ANKRD20A1: variants seen among roughly 807,000 people sequenced by gnomAD.
ANKRD20A1 encodes ankyrin repeat domain 20 family member A1.
ANKRD20A1 carries 2 observed loss-of-function variants against 50.9 expected under a neutral mutation model. That is an observed-to-expected ratio of 0.04 (90% CI 0.02 to 0.12). The LOEUF (loss-of-function observed/expected upper bound fraction) is 0.12. Ranked by LOEUF, ANKRD20A1 falls within the 10% of genes least tolerant of loss-of-function variation. The pLI is 1.00. For missense variants in ANKRD20A1, 31 were observed against 548.1 expected (o/e 0.06, Z 9.42); for synonymous variants, 10 against 186.2 (o/e 0.05, Z 7.70).
At position 67,859,902 on chromosome 9, in the gene ANKRD20A1, A is replaced by T. The variant is rs1263049943; in HGVS notation, c.203+273A>T. Among the ~76,000 whole-genome samples, 6 of 49,320 alleles carry T rather than the reference A, an allele frequency of 1.2e-4. 3 individuals are homozygous for T. Among genetic ancestry groups the T allele is most frequent in the African/African-American group, 6.9e-4 (6 of 8,668 alleles). The allele number at this position is 49,320 out of a possible 152,430, so 32.4% of individuals were successfully genotyped here. A position where few individuals can be genotyped will look rare whatever the true frequency, so the allele number is the denominator to read the frequency against. ...CATTATAGGAGGTGCCTAATGAGAG[A>T]ACTCGTTCCCCTATCAAAAATAACC... On this transcript the variant is annotated intron_variant, in intron 1 of 14. Transcript: ENST00000562196.
rs1216718319 is a variant in ANKRD20A1 at position 67,860,506 on chromosome 9, A to G, written c.203+877A>G. On this transcript the variant is annotated intron_variant, in intron 1 of 14. Transcript: ENST00000562196. ...CAAATCAAATCATCAAACACTCTAA[A>G]AGTGGGCAAAGTACCTTTTTCCAGA... 2 of 44,574 alleles carry G rather than the reference A, an allele frequency of 4.5e-5. 1 individual carries two copies. Among genetic ancestry groups the G allele is most frequent in the African/African-American group, 2.6e-4 (2 of 7,592 alleles). 2.8% of individuals were successfully genotyped at this position (44,574 alleles called of 1,614,324 possible).
intron 8 of ANKRD20A1, among the ~76,000 whole-genome samples, chr9:67,883,185 A>C (rs1286836533): frequency 6.6e-6 from 1 of 150,940 alleles, no homozygotes. Context: ...TGGTATTTCT[A>C]GTTCTAGATC....
At chr9:67,882,857 A>G (rs1485406994) in intron 8 of ANKRD20A1, among the ~76,000 whole-genome samples, 8 of 149,988 alleles carry the variant, frequency 5.3e-5, no homozygotes, top group Non-Finnish European at 7.4e-5. Flanking sequence ...TCATTGTTCA[A>G]TTTCCGCCTA....
At chr9:67,865,222 C>T (rs1476953585) in intron 3 of ANKRD20A1, among the ~76,000 whole-genome samples, 1 of 149,188 alleles carries the variant, frequency 6.7e-6, no homozygotes, top group African/African-American at 2.5e-5. Context: ...CAGTTTTAAA[C>T]ACTGAAATCC....
intron 8 of ANKRD20A1, among the ~76,000 whole-genome samples, chr9:67,882,289 GT>G (rs1827812727): frequency 2.0e-5 from 3 of 151,486 alleles, no homozygotes; most frequent in African/African-American, 7.3e-5. Context: ...CCTTAATAAT[GT>G]TTAATCTGAA....
chr9:67,882,824 C>G (rs1164932263), intron 8 of ANKRD20A1, among the ~76,000 whole-genome samples: 1 of 149,902 alleles, frequency 6.7e-6, no homozygotes. Context: ...GTGTGATGTT[C>G]CCCATCCTGT....
intron 6 of ANKRD20A1, among the ~76,000 whole-genome samples, chr9:67,872,119 A>G (rs202060238): frequency 1.2e-5 from 1 of 81,628 alleles, no homozygotes; most frequent in African/African-American, 3.2e-5. Context: ...GAAAGTAACT[A>G]TCTTTAGAAC....
chr9:67,881,098 A>G (rs1827786212), intron 8 of ANKRD20A1, among the ~76,000 whole-genome samples: 1 of 150,740 alleles, frequency 6.6e-6, no homozygotes, highest in South Asian at 2.1e-4. Flanking sequence ...TTGGTTCTGT[A>G]GTGAGACAAA....
In ANKRD20A1 at chr9:67,896,220, A is replaced by G. The variant is rs950837099; in HGVS notation, c.1153-1339A>G. ...CAATGGGAGGGAAGCAATGACTGAG[A>G]CAAGCCACAAAAACACGTCTAGCCT... On this transcript the variant is annotated intron_variant, in intron 12 of 14. Transcript: ENST00000562196. 3.8e-5 allele frequency among the ~76,000 whole-genome samples: 2 copies of G among 53,214 alleles called. 1 individual carries two copies. Among genetic ancestry groups the G allele is most frequent in the African/African-American group, 1.1e-4 (2 of 18,660 alleles). 34.9% of individuals were successfully genotyped at this position (53,214 alleles called of 152,430 possible).
chr9:67,888,531 AC>A (rs1168283317), intron 11 of ANKRD20A1, among the ~76,000 whole-genome samples: 4 of 83,050 alleles, frequency 4.8e-5, no homozygotes, highest in Admixed American at 1.4e-4. Context: ...TGCCCTTAGA[AC>A]TGTGACTCAT....
chr9:67,865,726 G>C (rs1029081845), intron 3 of ANKRD20A1, among the ~76,000 whole-genome samples: 1 of 115,124 alleles, frequency 8.7e-6, no homozygotes, highest in African/African-American at 2.9e-5. Flanking sequence ...TAGAAGGCAG[G>C]TATTCTCCAG....
chr9:67,867,040 G>A (rs1485680362), intron 3 of ANKRD20A1, among the ~76,000 whole-genome samples: 1 of 27,634 alleles, frequency 3.6e-5, no homozygotes, highest in African/African-American at 1.1e-4. Context: ...ACTAGTAAAT[G>A]TTTAAAGTGA....
rs1400673365 is a variant in ANKRD20A1 at position 67,881,140 on chromosome 9, G to A, written c.894+595G>A. 2.7e-5 allele frequency among the ~76,000 whole-genome samples: 4 copies of A among 150,734 alleles called. 1 individual carries two copies. In the East Asian group the frequency reaches 6.0e-4, roughly 23 times the overall value. On this transcript the variant is annotated intron_variant, in intron 8 of 14. Coordinates refer to ENST00000562196, the MANE Select transcript of ANKRD20A1 (RefSeq NM_032250.5). ...AATAATTGTAGAAAAATAACTGAGT[G>A]TGGTGGTGTACACCTGTAGTCCCTG... is the stretch of plus-strand genomic sequence containing the variant.
chr9:67,885,492 C>A (rs1318382644), intron 9 of ANKRD20A1, among the ~76,000 whole-genome samples: 1 of 152,308 alleles, frequency 6.6e-6, no homozygotes, highest in Non-Finnish European at 1.5e-5. Context: ...AATGTTGTAA[C>A]CTCATAGGAT....
At chr9:67,868,902 C>T (rs1463385417) in intron 5 of ANKRD20A1, among the ~76,000 whole-genome samples, 1 of 69,446 alleles carries the variant, frequency 1.4e-5, no homozygotes, top group Non-Finnish European at 3.1e-5. Flanking sequence ...TTTGTAGAGA[C>T]AAGGTCTCAC....
rs1201997581 is a variant in ANKRD20A1, at chr9:67,891,112, A to G, written c.1082-2324A>G. On this transcript the variant is annotated intron_variant, in intron 11 of 14. Transcript: ENST00000562196. ...GGAGTTTGAGACCAGCCTGACAAAC[A>G]TGGAGAAACACATCTCTACTAAAAA... Among the ~76,000 whole-genome samples the G allele has an allele frequency of 2.3e-5, 2 of 87,628 alleles. 1 individual carries two copies. The highest frequency in any genetic ancestry group is 4.9e-5 in the Non-Finnish European group (2 of 40,842). 57.5% of individuals were successfully genotyped at this position (87,628 alleles called of 152,430 possible). A position where few individuals can be genotyped will look rare whatever the true frequency, so the allele number is the denominator to read the frequency against.
At chr9:67,885,280 G>A (rs1199414640) in intron 9 of ANKRD20A1, among the ~76,000 whole-genome samples, 1 of 152,278 alleles carries the variant, frequency 6.6e-6, no homozygotes, top group African/African-American at 2.4e-5. Context: ...GTTAGAAACA[G>A]GAAAGAAGAT....
At chr9:67,881,710 G>T (rs1319676734) in intron 8 of ANKRD20A1, among the ~76,000 whole-genome samples, 1 of 151,482 alleles carries the variant, frequency 6.6e-6, no homozygotes, top group Non-Finnish European at 1.5e-5. Context: ...TGGGAGAATC[G>T]CTTGAACCCG....
chr9:67,865,911 A>T (rs1245840039), intron 3 of ANKRD20A1, among the ~76,000 whole-genome samples: 1 of 149,828 alleles, frequency 6.7e-6, no homozygotes, highest in East Asian at 2.1e-4. Context: ...TAAATCCCTC[A>T]GTTATGGAGT....
Sources: gnomAD v4.1 joint callset for allele counts (sites outside exome capture counted in the v4.1 genomes callset) on GRCh38, gnomAD v4.1.1 for gene constraint, MANE v1.5 for transcripts, NCBI Gene and HGNC (gene_info 2026-07-23, HGNC 2026-07-21) for gene names.